Variants in TET3 observed in about 807,000 individuals in gnomAD.
TET3 encodes the protein methylcytosine dioxygenase TET3.
TET3 carries 19 observed loss-of-function variants against 141.4 expected under a neutral mutation model. The observed-to-expected ratio is 0.13, with a 90% CI of 0.09 to 0.20. The LOEUF is 0.20. Ranked by LOEUF, TET3 falls within the 10% of genes least tolerant of loss-of-function variation. The pLI, the probability that TET3 is intolerant of heterozygous loss-of-function variation, is 1.00. For synonymous variants in TET3, 1,043 were observed against 980.9 expected (o/e 1.06, Z -1.18); for missense variants, 1,874 against 2,356.9 (o/e 0.80, Z 4.24).
At chr2:73,985,450 C>T in intron 1 of TET3, among the ~76,000 whole-genome samples, 1 of 143,330 alleles carries the variant, frequency 7.0e-6, no homozygotes, top group South Asian at 2.1e-4. Flanking sequence ...GAGCGCGCCC[C>T]CCTCCCCGCG....
At chr2:74,065,648 CTCT>C (rs1012545983) in intron 4 of TET3, among the ~76,000 whole-genome samples, 30 of 149,814 alleles carry the variant, frequency 2.0e-4, no homozygotes, top group Non-Finnish European at 3.8e-4. Context: ...CTCTTTCTCT[CTCT>C]TCTTTTCTTT....
At chr2:74,034,855 A>G (rs1390276832) in intron 3 of TET3, among the ~76,000 whole-genome samples, 4 of 152,028 alleles carry the variant, frequency 2.6e-5, no homozygotes, top group African/African-American at 9.7e-5. Context: ...AACCTTTTCA[A>G]AGTATTTGTT....
chr2:74,124,263 T>TG, the TET3 span, among the ~76,000 whole-genome samples: 5 of 115,026 alleles, frequency 4.3e-5, no homozygotes, highest in Non-Finnish European at 7.2e-5. Context: ...GGGAGGGAGG[T>TG]GGGGGGTCAG....
Position 74,000,647 on chromosome 2 carries a change from C to T in TET3, c.304-2463C>T, listed in dbSNP as rs141402992. Among the ~76,000 whole-genome samples, 4 of 152,210 alleles carry T rather than the reference C, an allele frequency of 2.6e-5. No homozygotes were observed. The South Asian group carries it at 6.2e-4, about 24-fold the overall frequency. ...GGAAGTGATTGGGTTCAAGTGACCT[C>T]GGTCTTCTTTGTATCTCCCTGGGGT... On this transcript the variant is annotated intron_variant, in intron 2 of 11. Transcript: ENST00000409262.
intron 4 of TET3, among the ~76,000 whole-genome samples, chr2:74,064,334 C>T (rs1005850399): frequency 6.6e-6 from 1 of 152,080 alleles, no homozygotes; most frequent in Non-Finnish European, 1.5e-5. Flanking sequence ...AAAAAGAGTA[C>T]AGTGTGATTC....
chr2:74,100,418 C>T lies in TET3; in HGVS notation c.3630C>T (p.Ser1210=). 1 of 1,568,040 alleles carries T rather than the reference C, an allele frequency of 6.4e-7. No homozygotes were observed. Among genetic ancestry groups the T allele is most frequent in the Non-Finnish European group, 8.6e-7 (1 of 1,156,604 alleles). ...DPGLSLKGGL[S]QQGLKPSLKV... The stretch of plus-strand genomic sequence containing the variant: ...GCCTGTCTCTGAAGGGTGGATTGTC[C>T]CAGCAAGGCCTGAAGCCCTCCCTCA... Residue 1210 remains serine (S), a synonymous_variant, in exon 12 of 12, where the codon TCC becomes TCT. Transcript: ENST00000409262.
At chr2:74,014,485 T>C (rs1039361154) in intron 3 of TET3, among the ~76,000 whole-genome samples, 4 of 152,184 alleles carry the variant, frequency 2.6e-5, no homozygotes, top group African/African-American at 9.7e-5. Context: ...TCCCTTGGGC[T>C]CTGTCTCTAA....
chr2:74,077,077 C>T (rs1376527377), intron 5 of TET3, among the ~76,000 whole-genome samples: 1 of 152,232 alleles, frequency 6.6e-6, no homozygotes, highest in African/African-American at 2.4e-5. Flanking sequence ...GAAGGAGATT[C>T]TCTGCAGCCT....
intron 10 of TET3, among the ~76,000 whole-genome samples, chr2:74,098,794 A>G (rs1433464238): frequency 6.6e-6 from 1 of 152,134 alleles, no homozygotes; most frequent in Non-Finnish European, 1.5e-5. Context: ...GGGTTTCATC[A>G]TATTGATCAG....
At chr2:74,134,653 T>C in the TET3 span, 1 of 456,264 alleles carries the variant, frequency 2.2e-6, no homozygotes, top group Non-Finnish European at 4.4e-6. Context: ...CAGAAAATAA[T>C]TTAGTGAAAG....
At chr2:74,024,636 G>T (rs1427979437) in intron 3 of TET3, among the ~76,000 whole-genome samples, 2 of 152,092 alleles carry the variant, frequency 1.3e-5, no homozygotes, top group Non-Finnish European at 2.9e-5. Context: ...AGCCCCTCCT[G>T]CCTCCAACCA....
chr2:73,999,632 G>C lies in TET3; in HGVS notation c.304-3478G>C, dbSNP rs1229923309. 2.5e-5 allele frequency among the ~76,000 whole-genome samples: 3 copies of C among 120,080 alleles called. No homozygotes were observed. The East Asian group carries it at 5.8e-4, about 23-fold the overall frequency. The allele number at this position is 120,080 out of a possible 152,430, so 78.8% of individuals were successfully genotyped here. A position where few individuals can be genotyped will look rare whatever the true frequency, so the allele number is the denominator to read the frequency against. On this transcript the variant is annotated intron_variant, in intron 2 of 11. Coordinates refer to ENST00000409262, the MANE Select transcript of TET3 (RefSeq NM_001287491.2). ...GGAGGGCTGTGGCTCCATTCCTCCTGCTGGGAGCACAGTAGGGTCTGGGGG... is the reference window on the plus strand; with the variant it reads ...GGAGGGCTGTGGCTCCATTCCTCCTCCTGGGAGCACAGTAGGGTCTGGGGG...
intron 3 of TET3, among the ~76,000 whole-genome samples, chr2:74,045,972 G>T (rs947530622): frequency 6.6e-6 from 1 of 152,192 alleles, no homozygotes; most frequent in African/African-American, 2.4e-5. Flanking sequence ...TGTGTCTCTG[G>T]TTTTAGGAGA....
chr2:74,005,298 G>A (rs898977777), intron 3 of TET3, among the ~76,000 whole-genome samples: 5 of 152,160 alleles, frequency 3.3e-5, no homozygotes, highest in African/African-American at 4.8e-5. Context: ...TTCTCCTTCC[G>A]CCTTCTCAGA....
intron 4 of TET3, among the ~76,000 whole-genome samples, chr2:74,059,132 G>C (rs1209336425): frequency 1.3e-5 from 2 of 152,186 alleles, no homozygotes; most frequent in African/African-American, 4.8e-5. Context: ...AGTTTTGCCT[G>C]TTCTTGAACT....
chr2:74,066,558 T>G (rs1166724026), intron 4 of TET3, among the ~76,000 whole-genome samples: 1 of 151,848 alleles, frequency 6.6e-6, no homozygotes, highest in East Asian at 1.9e-4. Context: ...TAGAATATCT[T>G]TTCCCTTATA....
intron 4 of TET3, among the ~76,000 whole-genome samples, chr2:74,063,132 C>T (rs1411933207): frequency 6.6e-6 from 1 of 151,914 alleles, no homozygotes; most frequent in Non-Finnish European, 1.5e-5. Flanking sequence ...GATCTACCCA[C>T]CTCAGCTTCC....
Position 74,003,249 on chromosome 2 carries a change from T to C in TET3, c.360+83T>C, listed in dbSNP as rs1480906977. ...GACCGGATTGGATAAAAATAAAGGG[T>C]CTCCTCTGGTGATCCCTTAATCTCC... On this transcript the variant is annotated intron_variant, in intron 3 of 11. Coordinates refer to ENST00000409262, the MANE Select transcript of TET3 (RefSeq NM_001287491.2). 4.6e-6 allele frequency: 7 copies of C among 1,513,398 alleles called. No homozygotes were observed. The Admixed American group carries it at 1.2e-4, about 26-fold the overall frequency. The allele number at this position is 1,513,398 out of a possible 1,614,324, so 93.7% of individuals were successfully genotyped here. A position where few individuals can be genotyped will look rare whatever the true frequency, so the allele number is the denominator to read the frequency against.
In TET3 at chr2:74,101,309, G is replaced by A. The variant is rs375740189; in HGVS notation, c.4521G>A (p.Arg1507=). ...GQQAASHSGG[R]LRGKPWSPCK... ...AGGCAGCTTCCCACTCTGGAGGACGGCTGCGAGGCAAACCGTGGAGCCCCT... is the reference window on the plus strand; with the variant it reads ...AGGCAGCTTCCCACTCTGGAGGACGACTGCGAGGCAAACCGTGGAGCCCCT... The change falls in exon 12 of 12, where the codon CGG becomes CGA. Residue 1507 remains arginine, a synonymous_variant. Transcript: ENST00000409262. The surrounding 1 kb of genome is among the most constrained non-coding windows in gnomAD (Gnocchi z 8.5). 362 of 1,613,276 alleles carry A rather than the reference G, an allele frequency of 2.2e-4. No homozygotes were observed. The highest frequency in any genetic ancestry group is 2.9e-4 in the Non-Finnish European group (343 of 1,179,702).
Sources: gnomAD v4.1 joint callset for allele counts (sites outside exome capture counted in the v4.1 genomes callset) on GRCh38, gnomAD v4.1.1 for gene constraint, Gnocchi (gnomAD v3.1) non-coding constraint, MANE v1.5 for transcripts, NCBI Gene and HGNC (gene_info 2026-07-23, HGNC 2026-07-21) for gene names.